Variants in PAX5 observed in about 807,000 individuals in gnomAD.
PAX5 encodes the protein paired box protein Pax-5.
In PAX5, 9 loss-of-function variants were observed where a neutral mutation model predicts 43.7. That is an observed-to-expected ratio of 0.21 (90% CI 0.12 to 0.36). PAX5 has a LOEUF of 0.36. Among genes scored for constraint, PAX5 ranks in the 10% least tolerant of loss-of-function variants. PAX5 has a pLI of 1.00. For synonymous variants in PAX5, 228 were observed against 214.3 expected (o/e 1.06, Z -0.56); for missense variants, 383 against 532.7 (o/e 0.72, Z 2.77).
intron 5 of PAX5, among the ~76,000 whole-genome samples, chr9:36,981,688 C>T (rs533699730): frequency 2.1e-4 from 32 of 152,372 alleles, no homozygotes; most frequent in African/African-American, 7.5e-4. Flanking sequence ...GGATGAATGA[C>T]ACCCCAGGGA....
chr9:36,935,382 G>A (rs142489252), intron 6 of PAX5, among the ~76,000 whole-genome samples: 112 of 72,956 alleles, frequency 1.5e-3, no homozygotes, highest in Non-Finnish European at 2.2e-3. Flanking sequence ...CTCCATCTCC[G>A]AAGCAAACAA....
chr9:36,993,590 G>C (rs902153461), intron 5 of PAX5, among the ~76,000 whole-genome samples: 6 of 152,224 alleles, frequency 3.9e-5, no homozygotes, highest in Non-Finnish European at 8.8e-5. Flanking sequence ...GCAGGGGTTT[G>C]AAGCCTTGTA....
In PAX5 at chr9:36,882,493, G is replaced by T. The variant is rs148872751; in HGVS notation, c.911-388C>A. ...GGGACCTCTCCATCTCCACACTGTT[G>T]TTTCTGCTATGTCCTTTGTACAAAG... On this transcript the variant is annotated intron_variant, in intron 7 of 9. Transcript: ENST00000358127. The surrounding 1 kb of genome is among the most constrained non-coding windows in gnomAD (Gnocchi z 4.4). 6.6e-6 allele frequency among the ~76,000 whole-genome samples: 1 copy of T among 152,106 alleles called. No individual in the cohort carries two copies. The highest frequency in any genetic ancestry group is 1.5e-5 in the Non-Finnish European group (1 of 68,016).
chr9:36,883,200 G>T (rs1388103576), intron 7 of PAX5, among the ~76,000 whole-genome samples: 1 of 152,116 alleles, frequency 6.6e-6, no homozygotes, highest in East Asian at 1.9e-4. Context: ...TTCAACGGTG[G>T]GTTGCTCTCA....
chr9:37,020,761 A>G lies in PAX5; in HGVS notation c.87T>C (p.Asn29=). The G allele has an allele frequency of 6.2e-7, 1 of 1,614,140 alleles. No individual in the cohort carries two copies. Among genetic ancestry groups the G allele is most frequent in the East Asian group, 2.2e-5 (1 of 44,894 alleles). ...GGACTACATCCGGGAGTGGCCGTCC[A>G]TTCACAAAAACCCCCCCAAGCTGAT... ...GVNQLGGVFV[N]GRPLPDVVRQ... Residue 29 remains asparagine (N), a synonymous_variant, in exon 2 of 10, where the codon AAT becomes AAC. Transcript: ENST00000358127.
At chr9:36,974,467 T>C (rs1186046488) in intron 5 of PAX5, among the ~76,000 whole-genome samples, 1 of 152,174 alleles carries the variant, frequency 6.6e-6, no homozygotes, top group Non-Finnish European at 1.5e-5. Context: ...CTTATTCCAC[T>C]TTACAGATGA....
intron 7 of PAX5, among the ~76,000 whole-genome samples, chr9:36,889,580 G>A (rs934623761): frequency 1.3e-5 from 2 of 152,140 alleles, no homozygotes; most frequent in Admixed American, 6.5e-5. Flanking sequence ...TTATCCAAAC[G>A]GAGGCGTTCT....
chr9:37,004,739 AAAC>A (rs199817425), intron 4 of PAX5, among the ~76,000 whole-genome samples: 662 of 152,358 alleles, frequency 4.3e-3, no homozygotes, highest in African/African-American at 0.015. Flanking sequence ...TTGGTACTTT[AAAC>A]AACAACCACC....
intron 5 of PAX5, among the ~76,000 whole-genome samples, chr9:36,980,293 A>G (rs1340961167): frequency 6.6e-6 from 1 of 152,250 alleles, no homozygotes; most frequent in Non-Finnish European, 1.5e-5. Flanking sequence ...GCATCTGCTC[A>G]GAGCTGGCAG....
At chr9:36,999,923 G>T (rs775147290) in intron 5 of PAX5, among the ~76,000 whole-genome samples, 6 of 151,992 alleles carry the variant, frequency 3.9e-5, no homozygotes, top group African/African-American at 1.2e-4. Flanking sequence ...GCTCTGCCCA[G>T]CCCCAGACTG....
intron 5 of PAX5, among the ~76,000 whole-genome samples, chr9:36,996,326 C>A (rs1200940018): frequency 3.3e-5 from 5 of 152,252 alleles, no homozygotes; most frequent in African/African-American, 4.8e-5. Context: ...ACAAGGCTTG[C>A]GTCAACTCTA....
At chr9:36,972,678 G>C (rs937415944) in intron 5 of PAX5, among the ~76,000 whole-genome samples, 26 of 152,142 alleles carry the variant, frequency 1.7e-4, no homozygotes, top group African/African-American at 6.0e-4. Flanking sequence ...GAAAGTCAGA[G>C]ACAGGAATAA....
At chr9:36,884,847 G>A (rs1364796414) in intron 7 of PAX5, among the ~76,000 whole-genome samples, 4 of 152,194 alleles carry the variant, frequency 2.6e-5, no homozygotes, top group Admixed American at 2.0e-4. Context: ...CCACCATGCT[G>A]GGGACTCATT....
At chr9:36,889,184 G>GT (rs35970733) in intron 7 of PAX5, among the ~76,000 whole-genome samples, 124,424 of 152,072 alleles carry the variant, frequency 0.82, 52,059 homozygotes, top group Non-Finnish European at 0.91. Flanking sequence ...CCTCCTTGGA[G>GT]TTCCCACAAG....
intron 7 of PAX5, among the ~76,000 whole-genome samples, chr9:36,897,222 G>A (rs1023013083): frequency 1.1e-4 from 17 of 152,220 alleles, no homozygotes; most frequent in Non-Finnish European, 2.9e-5. Flanking sequence ...GGGCCCAGAG[G>A]TAGGAACCGA....
chr9:36,974,912 C>T (rs1041547616), intron 5 of PAX5, among the ~76,000 whole-genome samples: 2 of 152,124 alleles, frequency 1.3e-5, no homozygotes, highest in Non-Finnish European at 2.9e-5. Context: ...CGTTTGTCAG[C>T]CCTCATGTGT....
At chr9:36,921,803 C>T (rs1407292491) in intron 7 of PAX5, among the ~76,000 whole-genome samples, 2 of 152,202 alleles carry the variant, frequency 1.3e-5, no homozygotes, top group East Asian at 3.8e-4. Context: ...AGCTCTAACT[C>T]CCCCTTACCC....
chr9:36,994,402 G>C (rs1057283134), intron 5 of PAX5, among the ~76,000 whole-genome samples: 1 of 152,218 alleles, frequency 6.6e-6, no homozygotes. Context: ...CTGCCAAGGA[G>C]TGTGGCTGCT....
chr9:36,885,636 G>C (rs1826846223), intron 7 of PAX5, among the ~76,000 whole-genome samples: 1 of 152,134 alleles, frequency 6.6e-6, no homozygotes, highest in Non-Finnish European at 1.5e-5. Flanking sequence ...AGCCAGTCTG[G>C]CTTGCAAGCC....
Sources: allele counts gnomAD v4.1 joint callset (sites outside exome capture counted in the v4.1 genomes callset), GRCh38; gene constraint gnomAD v4.1.1; non-coding constraint Gnocchi (gnomAD v3.1); transcripts MANE v1.5; gene names NCBI Gene and HGNC (gene_info 2026-07-23, HGNC 2026-07-21).